The following NUCB2 variants were observed in gnomAD, a reference collection of about 807,000 sequenced individuals.
NUCB2 encodes nucleobindin-2.
Under a neutral mutation model 57.9 loss-of-function variants are expected in NUCB2, and 48 were observed. The observed-to-expected ratio is 0.83, with a 90% CI of 0.66 to 1.05. The LOEUF is 1.05. Among genes scored for constraint, NUCB2 ranks in the 50% least tolerant of loss-of-function variants. The pLI, the probability that NUCB2 is intolerant of heterozygous loss-of-function variation, is 0.00. For missense variants in NUCB2, 442 were observed against 476.2 expected (o/e 0.93, Z 0.67); for synonymous variants, 139 against 152.1 (o/e 0.91, Z 0.64).
chr11:17,288,955 ATATATATAT>A lies in NUCB2; in HGVS notation c.-1+6014_-1+6022del, dbSNP rs1279866077. 1.0e-3 allele frequency among the ~76,000 whole-genome samples: 60 copies of A among 59,280 alleles called. 7 individuals carry two copies. Among genetic ancestry groups the A allele is most frequent in the African/African-American group, 5.9e-3 (59 of 10,030 alleles). The allele number at this position is 59,280 out of a possible 152,430, so 38.9% of individuals were successfully genotyped here. A position where few individuals can be genotyped will look rare whatever the true frequency, so the allele number is the denominator to read the frequency against. On this transcript the variant is annotated intron_variant, in intron 2 of 13. Transcript: ENST00000529010. ...CACACACACACACACACACACATAT[ATATATATAT>A]TTTTTTTTTTTGAGATGGAGTTTTG...
chr11:17,292,753 T>C lies in NUCB2; in HGVS notation c.1-2571T>C, dbSNP rs111420174. 5.2e-4 allele frequency among the ~76,000 whole-genome samples: 79 copies of C among 152,360 alleles called. 1 individual carries two copies. Among genetic ancestry groups the C allele is most frequent in the African/African-American group, 1.9e-3 (78 of 41,586 alleles). ...GTACTTTGAAATGGGGATAATAATA[T>C]TGACTTCACAGAGTCATTGTAAGAG... On this transcript the variant is annotated intron_variant, in intron 2 of 13. Coordinates refer to ENST00000529010, the MANE Select transcript of NUCB2 (RefSeq NM_005013.4).
At chr11:17,310,062 T>C (rs1452406999) in intron 6 of NUCB2, among the ~76,000 whole-genome samples, 13 of 152,218 alleles carry the variant, frequency 8.5e-5, no homozygotes, top group African/African-American at 2.9e-4. Flanking sequence ...TTCTTTAAGG[T>C]AGAAAATTCT....
At position 17,331,868 on chromosome 11, in the gene NUCB2, C is replaced by T. The variant is rs1288579922; in HGVS notation, c.*449C>T. 6.5e-6 allele frequency: 1 copy of T among 153,138 alleles called. No homozygotes were observed. The highest frequency in any genetic ancestry group is 1.5e-5 in the Non-Finnish European group (1 of 68,742). 9.5% of individuals were successfully genotyped at this position (153,138 alleles called of 1,614,324 possible). On this transcript the variant is annotated 3_prime_UTR_variant, in exon 14 of 14. Coordinates refer to ENST00000529010, the MANE Select transcript of NUCB2 (RefSeq NM_005013.4). Reference sequence around the variant, plus strand: ...AAATGTCTGTTTGATATTAACAATTCTGGAAAGGCCACAGTATTTCCCTGT... The same window carrying T: ...AAATGTCTGTTTGATATTAACAATTTTGGAAAGGCCACAGTATTTCCCTGT...
chr11:17,327,225 T>A (rs1950800723), intron 11 of NUCB2, among the ~76,000 whole-genome samples: 1 of 152,148 alleles, frequency 6.6e-6, no homozygotes, highest in Non-Finnish European at 1.5e-5. Flanking sequence ...CACATCTGGC[T>A]GATTTTTATA....
chr11:17,310,691 A>T, intron 6 of NUCB2, 134 bp from the exon 7 acceptor site: 1 of 564,058 alleles, frequency 1.8e-6, no homozygotes. Flanking sequence ...GGTAGAATTT[A>T]AAAAGAGGAG....
intron 11 of NUCB2, among the ~76,000 whole-genome samples, chr11:17,320,200 T>C (rs1430507671): frequency 6.6e-6 from 1 of 152,222 alleles, no homozygotes; most frequent in African/African-American, 2.4e-5. Context: ...AATGAACATA[T>C]GTGCCACAAC....
intron 2 of NUCB2, among the ~76,000 whole-genome samples, chr11:17,347,049 T>C (rs1952802881): frequency 6.6e-6 from 1 of 152,226 alleles, no homozygotes; most frequent in African/African-American, 2.4e-5. Flanking sequence ...TGACGACATG[T>C]GCCCAAGGTG....
intron 5 of NUCB2, among the ~76,000 whole-genome samples, chr11:17,308,678 C>G (rs1194229409): frequency 1.3e-5 from 2 of 152,182 alleles, no homozygotes; most frequent in Non-Finnish European, 2.9e-5. Context: ...TGTAATACAA[C>G]TGAAACAATC....
chr11:17,319,426 T>C (rs2139171363), intron 11 of NUCB2, among the ~76,000 whole-genome samples: 1 of 152,280 alleles, frequency 6.6e-6, no homozygotes, highest in East Asian at 1.9e-4. Context: ...CAACCCAGAA[T>C]GACCCATTTT....
In NUCB2 at chr11:17,298,337, G is replaced by A. The variant is rs180700166; in HGVS notation, c.252+2126G>A. Among the ~76,000 whole-genome samples the A allele has an allele frequency of 4.2e-3, 640 of 152,060 alleles. 6 individuals are homozygous for A. Among genetic ancestry groups the A allele is most frequent in the African/African-American group, 0.015 (613 of 41,502 alleles). On this transcript the variant is annotated intron_variant, in intron 4 of 13. Coordinates refer to ENST00000529010, the MANE Select transcript of NUCB2 (RefSeq NM_005013.4). ...TCCCAGCAGTTTGAGAAGCCAAGGCGGGAGGATCACTTGATCCCAGGAATT... is the reference window on the plus strand; with the variant it reads ...TCCCAGCAGTTTGAGAAGCCAAGGCAGGAGGATCACTTGATCCCAGGAATT...
chr11:17,304,811 C>T lies in NUCB2; in HGVS notation c.379+2941C>T, dbSNP rs182057830. Among the ~76,000 whole-genome samples, 353 of 152,096 alleles carry T rather than the reference C, an allele frequency of 2.3e-3. 2 individuals are homozygous for T. Among genetic ancestry groups the T allele is most frequent in the African/African-American group, 8.1e-3 (335 of 41,502 alleles). ...CAGAATAAACCTACTCAGAAATGTG[C>T]AAAACTGACAGACAAAAACTTTAAA... On this transcript the variant is annotated intron_variant, in intron 5 of 13. Coordinates refer to ENST00000529010, the MANE Select transcript of NUCB2 (RefSeq NM_005013.4).
chr11:17,287,110 G>C (rs895938146), intron 2 of NUCB2, among the ~76,000 whole-genome samples: 1 of 151,926 alleles, frequency 6.6e-6, no homozygotes, highest in African/African-American at 2.4e-5. Flanking sequence ...TAAAGAGGTA[G>C]GATAAATAGA....
intron 4 of NUCB2, among the ~76,000 whole-genome samples, chr11:17,300,344 A>T (rs1946500823): frequency 6.6e-6 from 1 of 152,180 alleles, no homozygotes; most frequent in Non-Finnish European, 1.5e-5. Context: ...ATACCCACAG[A>T]GTCGTGAAAT....
chr11:17,321,891 TTC>T (rs1483683322), intron 11 of NUCB2, among the ~76,000 whole-genome samples: 2 of 152,236 alleles, frequency 1.3e-5, no homozygotes, highest in Non-Finnish European at 2.9e-5. Context: ...ATTTTATGTC[TTC>T]TTTCGAGAAA....
downstream of NUCB2, among the ~76,000 whole-genome samples, chr11:17,335,173 T>C (rs1951708020): frequency 6.6e-6 from 1 of 151,748 alleles, no homozygotes; most frequent in Admixed American, 6.6e-5. Context: ...AGAATATCTC[T>C]ATTGCTTAAA....
At chr11:17,295,079 T>A (rs1163708496) in intron 2 of NUCB2, among the ~76,000 whole-genome samples, 1 of 152,116 alleles carries the variant, frequency 6.6e-6, no homozygotes, top group Non-Finnish European at 1.5e-5. Flanking sequence ...AAAAACAGTT[T>A]AAAATATTGT....
intron 5 of NUCB2, among the ~76,000 whole-genome samples, chr11:17,305,409 GAATCTTTAATATCTATTA>G (rs1485637027): frequency 3.3e-5 from 5 of 152,120 alleles, no homozygotes; most frequent in Middle Eastern, 3.4e-3. Flanking sequence ...ATTAGAAATT[GAATCTTTAATATCTATTA>G]AATCTTTAAT....
At chr11:17,303,817 A>G (rs1947164342) in intron 5 of NUCB2, among the ~76,000 whole-genome samples, 1 of 151,388 alleles carries the variant, frequency 6.6e-6, no homozygotes, top group Non-Finnish European at 1.5e-5. Flanking sequence ...CCCAGGAGGC[A>G]GAGGTTGCAG....
In NUCB2 at chr11:17,304,295, A is replaced by T. The variant is rs1003410113; in HGVS notation, c.379+2425A>T. Among the ~76,000 whole-genome samples, 4 of 151,934 alleles carry T rather than the reference A, an allele frequency of 2.6e-5. No individual in the cohort carries two copies. The South Asian group carries it at 6.2e-4, about 24-fold the overall frequency. On this transcript the variant is annotated intron_variant, in intron 5 of 13. Transcript: ENST00000529010. ...CTGCAACCTCCGCCTCCTGTGTTCA[A>T]GGGATTCTCCTGCCTCAGCCTCCTG...
Sources: allele counts gnomAD v4.1 joint callset (sites outside exome capture counted in the v4.1 genomes callset), GRCh38; gene constraint gnomAD v4.1.1; transcripts MANE v1.5; gene names NCBI Gene and HGNC (gene_info 2026-07-23, HGNC 2026-07-21).